GNAQ: variants seen among roughly 807,000 people sequenced by gnomAD.
GNAQ encodes the protein G protein subunit alpha q.
Under a neutral mutation model 43.9 loss-of-function variants are expected in GNAQ, and 8 were observed. The ratio of observed to expected loss-of-function variants is 0.18; its 90% confidence interval spans 0.11 to 0.33. The LOEUF (loss-of-function observed/expected upper bound fraction) is 0.33. Ranked by LOEUF, GNAQ falls within the 10% of genes least tolerant of loss-of-function variation. The probability of loss-of-function intolerance (pLI) is 1.00; values close to 1 mark genes in which losing one functional copy is unlikely to be tolerated. For synonymous variants in GNAQ, 155 were observed against 170.7 expected, an observed-to-expected ratio of 0.91 and a Z score of 0.71; for missense variants, 158 against 450.8, an observed-to-expected ratio of 0.35 and a Z score of 5.88.
In GNAQ at chr9:78,031,283, A is replaced by G. The variant is rs991428818; in HGVS notation, c.-48T>C. Reference sequence around the variant, plus strand: ...AGCCCCGCCGGCACCCCCTGCTCACAGCGCGCACACACACCCTCCCGCCCT... The same window carrying G: ...AGCCCCGCCGGCACCCCCTGCTCACGGCGCGCACACACACCCTCCCGCCCT... On this transcript the variant is annotated 5_prime_UTR_variant, in exon 1 of 7. Coordinates refer to ENST00000286548, the MANE Select transcript of GNAQ (RefSeq NM_002072.5). 16 of 1,413,614 alleles carry G rather than the reference A, an allele frequency of 1.1e-5. No individual in the cohort carries two copies. The South Asian group carries it at 2.5e-4, about 22-fold the overall frequency. The allele number at this position is 1,413,614 out of a possible 1,614,324, so 87.6% of individuals were successfully genotyped here. A position where few individuals can be genotyped will look rare whatever the true frequency, so the allele number is the denominator to read the frequency against.
chr9:78,028,890 G>T (rs1013854120), intron 1 of GNAQ, among the ~76,000 whole-genome samples: 2 of 152,082 alleles, frequency 1.3e-5, no homozygotes, highest in Admixed American at 1.3e-4. Flanking sequence ...CAGAAATAGT[G>T]TAAGTATTGT....
chr9:77,933,812 AT>A (rs889184620), intron 1 of GNAQ, among the ~76,000 whole-genome samples: 9 of 151,988 alleles, frequency 5.9e-5, no homozygotes, highest in African/African-American at 1.2e-4. Flanking sequence ...AGAATTTAAC[AT>A]TTTTTTTCCA....
intron 1 of GNAQ, among the ~76,000 whole-genome samples, chr9:77,995,294 G>C (rs909558477): frequency 6.6e-6 from 1 of 152,070 alleles, no homozygotes; most frequent in Admixed American, 6.6e-5. Context: ...TGACCGTAAG[G>C]TCCACACTCT....
intron 2 of GNAQ, among the ~76,000 whole-genome samples, chr9:77,904,163 T>C (rs1443426053): frequency 1.3e-5 from 2 of 152,118 alleles, no homozygotes; most frequent in Non-Finnish European, 2.9e-5. Context: ...TGATCTATCC[T>C]GCATCTACTT....
chr9:77,929,316 G>A (rs1029518598), intron 1 of GNAQ, among the ~76,000 whole-genome samples: 2 of 152,128 alleles, frequency 1.3e-5, no homozygotes, highest in African/African-American at 4.8e-5. Context: ...TCTGCTGGTT[G>A]ACAGCTAATG....
chr9:77,787,039 C>T (rs1200986754), intron 5 of GNAQ, among the ~76,000 whole-genome samples: 2 of 152,134 alleles, frequency 1.3e-5, no homozygotes, highest in African/African-American at 2.4e-5. Flanking sequence ...ATATACCTTA[C>T]AGACATAATA....
intron 2 of GNAQ, among the ~76,000 whole-genome samples, chr9:77,843,022 A>C (rs1391092709): frequency 1.3e-5 from 2 of 152,246 alleles, no homozygotes; most frequent in Non-Finnish European, 2.9e-5. Context: ...GAAATAAAAG[A>C]ACACACAGAC....
chr9:77,738,317 C>CCA (rs10637243), intron 5 of GNAQ, among the ~76,000 whole-genome samples: 92,653 of 150,732 alleles, frequency 0.61, 29,314 homozygotes, highest in Non-Finnish European at 0.7. Flanking sequence ...ACGCTACAAA[C>CCA]CACACACACA....
At chr9:77,859,938 T>TA (rs1269739945) in intron 2 of GNAQ, among the ~76,000 whole-genome samples, 3 of 152,114 alleles carry the variant, frequency 2.0e-5, no homozygotes, top group Middle Eastern at 6.3e-3. Context: ...CTGGATTTAG[T>TA]AAAAAAATGT....
chr9:77,733,210 CCA>C (rs1020614919), intron 5 of GNAQ, among the ~76,000 whole-genome samples: 6 of 152,160 alleles, frequency 3.9e-5, no homozygotes, highest in Non-Finnish European at 8.8e-5. Context: ...TCTACCCTGA[CCA>C]GTTATCTGTG....
At chr9:77,904,767 G>A (rs901624056) in intron 2 of GNAQ, among the ~76,000 whole-genome samples, 2 of 152,134 alleles carry the variant, frequency 1.3e-5, no homozygotes, top group African/African-American at 4.8e-5. Flanking sequence ...CCAAAATGCT[G>A]AACCACATCA....
At chr9:77,984,548 A>T (rs924499807) in intron 1 of GNAQ, among the ~76,000 whole-genome samples, 3 of 151,674 alleles carry the variant, frequency 2.0e-5, no homozygotes, top group Non-Finnish European at 4.4e-5. Context: ...AAGATTCCCA[A>T]AAGTATGAAT....
At chr9:77,821,470 A>G (rs1370689225) in intron 2 of GNAQ, among the ~76,000 whole-genome samples, 1 of 151,742 alleles carries the variant, frequency 6.6e-6, no homozygotes, top group Non-Finnish European at 1.5e-5. Context: ...TTTGCTTAAC[A>G]TTTTCCTTTT....
At chr9:77,846,739 A>G (rs1240598790) in intron 2 of GNAQ, among the ~76,000 whole-genome samples, 1 of 152,208 alleles carries the variant, frequency 6.6e-6, no homozygotes, top group Non-Finnish European at 1.5e-5. Context: ...CTCAGAGAAC[A>G]GTATCCTTAG....
At chr9:77,883,025 A>G (rs1203167211) in intron 2 of GNAQ, among the ~76,000 whole-genome samples, 1 of 152,234 alleles carries the variant, frequency 6.6e-6, no homozygotes, top group African/African-American at 2.4e-5. Flanking sequence ...TCAAAATGCA[A>G]ACACTTCAGT....
chr9:77,770,476 G>A (rs992429470), intron 5 of GNAQ, among the ~76,000 whole-genome samples: 9 of 152,142 alleles, frequency 5.9e-5, no homozygotes, highest in African/African-American at 2.2e-4. Context: ...AACACAGGGA[G>A]CTTATTATTA....
intron 1 of GNAQ, among the ~76,000 whole-genome samples, chr9:78,007,286 C>CTT (rs778222055): frequency 5.1e-5 from 7 of 137,038 alleles, no homozygotes; most frequent in African/African-American, 1.8e-4. Context: ...AATCTAAAAG[C>CTT]TTTTTTTTTT....
chr9:77,812,599 G>C (rs185416314), intron 3 of GNAQ, among the ~76,000 whole-genome samples: 183 of 152,206 alleles, frequency 1.2e-3, no homozygotes, highest in African/African-American at 4.2e-3. Context: ...ACAACAACCA[G>C]ATGCAATGTG....
chr9:77,912,079 TA>T, intron 2 of GNAQ, among the ~76,000 whole-genome samples: 1 of 152,176 alleles, frequency 6.6e-6, no homozygotes, highest in Non-Finnish European at 1.5e-5. Flanking sequence ...TACACAGGAA[TA>T]AATTCAGCTC....
Sources: allele counts gnomAD v4.1 joint callset (sites outside exome capture counted in the v4.1 genomes callset), GRCh38; gene constraint gnomAD v4.1.1; transcripts MANE v1.5; gene names NCBI Gene and HGNC (gene_info 2026-07-23, HGNC 2026-07-21).